Variants in FAM81A observed in about 807,000 individuals in gnomAD.
FAM81A encodes protein FAM81A.
In FAM81A, 19 loss-of-function variants were observed where a neutral mutation model predicts 46.7. The observed-to-expected ratio is 0.41, with a 90% CI of 0.28 to 0.60. FAM81A has a LOEUF of 0.60. FAM81A is among the 20% of genes least tolerant of loss of function. The probability of loss-of-function intolerance (pLI) is 0.34; values close to 1 mark genes in which losing one functional copy is unlikely to be tolerated. For synonymous variants in FAM81A, 183 were observed against 152.9 expected (o/e 1.20, Z -1.45); for missense variants, 377 against 453.5 (o/e 0.83, Z 1.53).
rs573206360 is a variant in FAM81A at position 59,406,735 on chromosome 15, A to G, written c.-78+4377A>G. On this transcript the variant is annotated intron_variant, in intron 2 of 4. Coordinates refer to the FAM81A transcript ENST00000558348. ...AATTTGCTGTTTATAGAGAAATGAA[A>G]TCATCCTGCACGATCTTTTACTACA... Among the ~76,000 whole-genome samples the G allele has an allele frequency of 7.9e-5, 12 of 152,272 alleles. No individual in the cohort carries two copies. In the South Asian group the frequency reaches 1.4e-3, roughly 18 times the overall value.
At chr15:59,420,145 G>A (rs1158660598) in intron 2 of FAM81A, among the ~76,000 whole-genome samples, 4 of 152,148 alleles carry the variant, frequency 2.6e-5, no homozygotes, top group African/African-American at 9.7e-5. Context: ...CTAAGAAGCA[G>A]GGCAAAAATG....
chr15:59,472,129 G>T (rs988389269), intron 3 of FAM81A, among the ~76,000 whole-genome samples: 4 of 152,052 alleles, frequency 2.6e-5, no homozygotes, highest in African/African-American at 9.7e-5. Context: ...AGGGGGTTGG[G>T]GCCCATAACT....
chr15:59,485,055 G>C (rs951417729), intron 3 of FAM81A, among the ~76,000 whole-genome samples: 2 of 152,152 alleles, frequency 1.3e-5, no homozygotes, highest in Admixed American at 6.5e-5. Context: ...AGGGAAGAGT[G>C]GGAAGGACTT....
At chr15:59,424,583 G>A (rs1002564340) in intron 2 of FAM81A, among the ~76,000 whole-genome samples, 1 of 152,148 alleles carries the variant, frequency 6.6e-6, no homozygotes, top group African/African-American at 2.4e-5. Context: ...CTAAGCTCTC[G>A]ATATCCACCA....
At chr15:59,445,916 A>G (rs895813644) in intron 1 of FAM81A, among the ~76,000 whole-genome samples, 2 of 152,218 alleles carry the variant, frequency 1.3e-5, no homozygotes, top group Admixed American at 6.5e-5. Context: ...CCTAAAAGTA[A>G]TGACTTCTTT....
chr15:59,475,548 T>C (rs2081756134), intron 3 of FAM81A, among the ~76,000 whole-genome samples: 1 of 152,234 alleles, frequency 6.6e-6, no homozygotes, highest in Non-Finnish European at 1.5e-5. Context: ...TTTTATGTAA[T>C]GGTTATTCTT....
chr15:59,478,884 T>C (rs374975499), intron 3 of FAM81A, among the ~76,000 whole-genome samples: 6 of 152,196 alleles, frequency 3.9e-5, no homozygotes, highest in East Asian at 3.8e-4. Flanking sequence ...TGATAACAGC[T>C]CAAATCAAAG....
chr15:59,479,469 C>G (rs1279326539), intron 3 of FAM81A, among the ~76,000 whole-genome samples: 1 of 139,450 alleles, frequency 7.2e-6, no homozygotes, highest in Admixed American at 7.8e-5. Flanking sequence ...TGAGATTGTG[C>G]CATTGCACTC....
chr15:59,470,367 C>T (rs1477589126), intron 3 of FAM81A, among the ~76,000 whole-genome samples: 5 of 152,210 alleles, frequency 3.3e-5, no homozygotes, highest in Non-Finnish European at 5.9e-5. Context: ...GGTCTTTTCA[C>T]ATAGTCCCAT....
chr15:59,416,453 G>A (rs747372558), intron 2 of FAM81A, among the ~76,000 whole-genome samples: 4 of 152,178 alleles, frequency 2.6e-5, no homozygotes, highest in Non-Finnish European at 5.9e-5. Context: ...AGTATTGCAC[G>A]CTTCTCTGTG....
At chr15:59,459,376 C>A (rs2081522614) in intron 2 of FAM81A, among the ~76,000 whole-genome samples, 1 of 152,184 alleles carries the variant, frequency 6.6e-6, no homozygotes, top group South Asian at 2.1e-4. Context: ...GCTAGCTTTT[C>A]TTGAGAAATA....
rs75807236 is a variant in FAM81A, at chr15:59,520,535, C to G, written c.983-719C>G. On this transcript the variant is annotated intron_variant, in intron 8 of 8. Coordinates refer to ENST00000288228, the MANE Select transcript of FAM81A (RefSeq NM_152450.3). ...TACCAGCCAGCCAGCATTTTGTAGA[C>G]TATCCCTAGTTTAGATTTGTTTGCT... Among the ~76,000 whole-genome samples the G allele has an allele frequency of 4.0e-4, 60 of 150,442 alleles. No individual in the cohort carries two copies. The East Asian group carries it at 7.8e-3, about 20-fold the overall frequency.
At chr15:59,475,604 G>A (rs1266796218) in intron 3 of FAM81A, among the ~76,000 whole-genome samples, 4 of 152,174 alleles carry the variant, frequency 2.6e-5, no homozygotes, top group African/African-American at 7.2e-5. Flanking sequence ...TATTTTTGGA[G>A]TGTGCAATTT....
At chr15:59,486,402 C>T (rs1396948384) in intron 3 of FAM81A, among the ~76,000 whole-genome samples, 2 of 151,630 alleles carry the variant, frequency 1.3e-5, no homozygotes, top group Admixed American at 6.6e-5. Flanking sequence ...TAGAAAGTAG[C>T]TTCAAAAGGA....
upstream of FAM81A, among the ~76,000 whole-genome samples, chr15:59,437,193 C>T (rs1256893970): frequency 1.3e-5 from 2 of 152,120 alleles, no homozygotes; most frequent in Non-Finnish European, 2.9e-5. Flanking sequence ...TCCAAAACCG[C>T]TCAGCCGAAT....
rs934243679 is a variant in FAM81A at position 59,521,146 on chromosome 15, C to A, written c.983-108C>A. The A allele has an allele frequency of 2.0e-5, 24 of 1,217,354 alleles. No individual in the cohort carries two copies. The African/African-American group carries it at 3.2e-4, about 16-fold the overall frequency. The allele number at this position is 1,217,354 out of a possible 1,614,324, so 75.4% of individuals were successfully genotyped here. A position where few individuals can be genotyped will look rare whatever the true frequency, so the allele number is the denominator to read the frequency against. ...CATACTTTCATCCCAGAGGTTTTAG[C>A]ATCTATTAATAATTTTTGCCTGAAT... On this transcript the variant is annotated intron_variant, in intron 8 of 8. Coordinates refer to ENST00000288228, the MANE Select transcript of FAM81A (RefSeq NM_152450.3).
chr15:59,401,773 T>A, intron 1 of FAM81A: 1 of 363,544 alleles, frequency 2.8e-6, no homozygotes, highest in Non-Finnish European at 4.6e-6. Context: ...TTTCAGCATT[T>A]TTTTTTTTTT....
At chr15:59,406,019 A>G (rs191577183) in intron 2 of FAM81A, among the ~76,000 whole-genome samples, 1 of 152,078 alleles carries the variant, frequency 6.6e-6, no homozygotes, top group African/African-American at 2.4e-5. Flanking sequence ...TATCCTTGCA[A>G]CTCGACCCAG....
chr15:59,449,812 T>A (rs1460921489), intron 1 of FAM81A, among the ~76,000 whole-genome samples: 4 of 126,242 alleles, frequency 3.2e-5, no homozygotes, highest in South Asian at 2.5e-4. Flanking sequence ...AAAAAAAAAA[T>A]GACATTGTAT....
Sources: allele counts gnomAD v4.1 joint callset (sites outside exome capture counted in the v4.1 genomes callset), GRCh38; gene constraint gnomAD v4.1.1; transcripts MANE v1.5; gene names NCBI Gene and HGNC (gene_info 2026-07-23, HGNC 2026-07-21).